ENO2: variants seen among roughly 807,000 people sequenced by gnomAD.
ENO2 encodes the protein gamma-enolase.
In ENO2, 19 loss-of-function variants were observed where a neutral mutation model predicts 48.7. That is an observed-to-expected ratio of 0.39 (90% CI 0.27 to 0.57). The LOEUF is 0.57. Among genes scored for constraint, ENO2 ranks in the 20% least tolerant of loss-of-function variants. The probability of loss-of-function intolerance (pLI) is 0.58; values close to 1 mark genes in which losing one functional copy is unlikely to be tolerated. For synonymous variants in ENO2, 198 were observed against 213.4 expected, an observed-to-expected ratio of 0.93 and a Z score of 0.63; for missense variants, 416 against 555.0, an observed-to-expected ratio of 0.75 and a Z score of 2.52.
rs139100273 is a variant in ENO2, at chr12:6,920,901, C to G, written c.866-680C>G. ...AGATCTCTGCTCACTGCACGATTCT[C>G]TTAGCCTCCCAAGTAGCTGGGATTA... On this transcript the variant is annotated intron_variant, in intron 8 of 11. Coordinates refer to ENST00000229277, the MANE Select transcript of ENO2 (RefSeq NM_001975.3). Among the ~76,000 whole-genome samples the G allele has an allele frequency of 4.0e-4, 60 of 151,464 alleles. 1 individual carries two copies. The East Asian group carries it at 0.011, about 27-fold the overall frequency.
At chr12:6,918,981 CAA>C (rs58247795) in intron 7 of ENO2, among the ~76,000 whole-genome samples, 327 of 75,832 alleles carry the variant, frequency 4.3e-3, no homozygotes, top group African/African-American at 0.012. Context: ...GACTCCGTCT[CAA>C]AAAAAAAAAA....
At chr12:6,918,267 G>A in intron 7 of ENO2, 105 bp downstream of exon 7, 1 of 1,188,640 alleles carries the variant, frequency 8.4e-7, no homozygotes, top group Non-Finnish European at 1.2e-6. Context: ...GAGGGTCCTA[G>A]GACTCTGCAA....
At position 6,923,101 on chromosome 12, in the gene ENO2, G is replaced by A. The variant is rs1945357212; in HGVS notation, c.*301G>A. The A allele has an allele frequency of 2.7e-6, 1 of 363,834 alleles. No individual in the cohort carries two copies. The highest frequency in any genetic ancestry group is 2.6e-5 in the South Asian group (1 of 38,032). 22.5% of individuals were successfully genotyped at this position (363,834 alleles called of 1,614,324 possible). ...TATAAAAGGGGGTCCGTGGAAGAAT[G>A]ATCAGCATCTGTGATGGGAGCGTCA... On this transcript the variant is annotated 3_prime_UTR_variant, in exon 12 of 12. Coordinates refer to ENST00000229277, the MANE Select transcript of ENO2 (RefSeq NM_001975.3).
Position 6,921,694 on chromosome 12 carries a change from C to T in ENO2, c.979C>T (p.Arg327Cys), listed in dbSNP as rs781830483. 12 of 1,614,152 alleles carry T rather than the reference C, an allele frequency of 7.4e-6. No individual in the cohort carries two copies. The highest frequency in any genetic ancestry group is 1.6e-4 in the Middle Eastern group (1 of 6,062). Residue 327 changes from arginine (R) to cysteine (C), a missense_variant, in exon 9 of 12, where the codon CGT becomes TGT. Transcript: ENST00000229277. ...GDDLTVTNPK[R>C]IERAVEEKAC... ...TGACCTGACAGTGACCAACCCAAAA[C>T]GTATTGAGCGGGCAGTGGAAGAAAA...
chr12:6,917,708 T>C lies in ENO2; in HGVS notation c.438T>C (p.Pro146=), dbSNP rs913836191. 25 of 1,421,098 alleles carry C rather than the reference T, an allele frequency of 1.8e-5. No individual in the cohort carries two copies. In the African/African-American group the frequency reaches 2.3e-4, roughly 13 times the overall value. The allele number at this position is 1,421,098 out of a possible 1,614,324, so 88.0% of individuals were successfully genotyped here. ...CCGGGAACTCAGACCTCATCCTGCC[T>C]GTGCCGGTGAGCAATAAGCCAGCCT... is the stretch of plus-strand genomic sequence containing the variant. ...QLAGNSDLIL[P]VPAFNVINGG... Residue 146 remains proline (P), a synonymous_variant, in exon 6 of 12, where the codon CCT becomes CCC. Coordinates refer to ENST00000229277, the MANE Select transcript of ENO2 (RefSeq NM_001975.3).
intron 7 of ENO2, among the ~76,000 whole-genome samples, chr12:6,919,363 A>G (rs1945319791): frequency 6.6e-6 from 1 of 152,202 alleles, no homozygotes; most frequent in Non-Finnish European, 1.5e-5. Flanking sequence ...AAAGTATAGT[A>G]AGTATTATTA....
chr12:6,922,334 A>T lies in ENO2; in HGVS notation c.1177-10A>T. ...AGTCACTGAGCTGCAAATCCTTTGAAATGTTTCAGATCAAGACTGGTGCCC... is the reference window on the plus strand; with the variant it reads ...AGTCACTGAGCTGCAAATCCTTTGATATGTTTCAGATCAAGACTGGTGCCC... On this transcript the variant is annotated splice_polypyrimidine_tract_variant and intron_variant, in intron 10 of 11. Coordinates refer to ENST00000229277, the MANE Select transcript of ENO2 (RefSeq NM_001975.3). The surrounding 1 kb of genome is among the most constrained non-coding windows in gnomAD (Gnocchi z 5.3). 1 of 1,614,130 alleles carries T rather than the reference A, an allele frequency of 6.2e-7. No individual in the cohort carries two copies.
In ENO2 at chr12:6,916,821, T is replaced by A. The variant is rs1486510624; in HGVS notation, c.240+92T>A. ...GAGGAAGGGAAGAAAGAAGGCCCAC[T>A]CTTAGGAATCATGGTTACAAGGGGG... On this transcript the variant is annotated intron_variant, in intron 4 of 11. Transcript: ENST00000229277. The surrounding 1 kb of genome is among the most constrained non-coding windows in gnomAD (Gnocchi z 4.5). 3 of 1,536,084 alleles carry A rather than the reference T, an allele frequency of 2.0e-6. No individual in the cohort carries two copies. Among genetic ancestry groups the A allele is most frequent in the Admixed American group, 1.8e-5 (1 of 56,356 alleles).
intron 1 of ENO2, 100 bp from the exon 2 acceptor site, chr12:6,915,721 T>C: frequency 1.0e-4 from 21 of 208,262 alleles, no homozygotes; most frequent in East Asian, 5.6e-4. Flanking sequence ...TGCAGTAACC[T>C]CTTTCCCATC....
Position 6,922,858 on chromosome 12 carries a change from T to C in ENO2, c.*58T>C. ...GTCTCATCCTCCTGGAACCTTGCTGTCCTGATCTGTGATAGTTCACCCCCT... is the reference window on the plus strand; with the variant it reads ...GTCTCATCCTCCTGGAACCTTGCTGCCCTGATCTGTGATAGTTCACCCCCT... On this transcript the variant is annotated 3_prime_UTR_variant, in exon 12 of 12. Transcript: ENST00000229277. This position sits in a 1 kb window ranked among gnomAD's most constrained non-coding sequence, Gnocchi z 5.3. 1 of 1,594,270 alleles carries C rather than the reference T, an allele frequency of 6.3e-7. No homozygotes were observed. Among genetic ancestry groups the C allele is most frequent in the Non-Finnish European group, 8.6e-7 (1 of 1,163,246 alleles).
At chr12:6,920,396 T>C (rs1453936548) in intron 8 of ENO2, among the ~76,000 whole-genome samples, 1 of 150,854 alleles carries the variant, frequency 6.6e-6, no homozygotes, top group Non-Finnish European at 1.5e-5. Flanking sequence ...GGTTGTTTTT[T>C]TTGTTTTGTT....
chr12:6,918,897 G>A (rs939064075), intron 7 of ENO2, among the ~76,000 whole-genome samples: 6 of 150,390 alleles, frequency 4.0e-5, no homozygotes, highest in African/African-American at 1.5e-4. Flanking sequence ...CAGGAGGATC[G>A]CTTGTACCCG....
chr12:6,915,556 T>G, intron 1 of ENO2: 45 of 413,436 alleles, frequency 1.1e-4, no homozygotes, highest in East Asian at 3.5e-4. Flanking sequence ...CACTGCAGTG[T>G]TCTCCCATCT....
Position 6,919,623 on chromosome 12 carries a change from T to C in ENO2, c.725T>C (p.Ile242Thr). The C allele has an allele frequency of 6.2e-7, 1 of 1,614,162 alleles. No homozygotes were observed. The highest frequency in any genetic ancestry group is 2.2e-5 in the East Asian group (1 of 44,880). ...DKAGYTEKIV[I>T]GMDVAASEFY... ...GCTGGCTACACGGAAAAGATCGTTA[T>C]TGGCATGGATGTTGCTGCCTCAGAG... Residue 242 changes from isoleucine (I) to threonine (T), a missense_variant, in exon 8 of 12, where the codon ATT becomes ACT. Physicochemically the swap from Ile to Thr is moderately conservative, Grantham distance 89. Coordinates refer to ENST00000229277, the MANE Select transcript of ENO2 (RefSeq NM_001975.3).
At chr12:6,921,390 CAAAA>C (rs59941048) in intron 8 of ENO2, 187 bp from the exon 9 acceptor site, 141 of 496,334 alleles carry the variant, frequency 2.8e-4, no homozygotes, top group East Asian at 2.8e-3. Context: ...GAGGCTCTGT[CAAAA>C]AAAAAAAAAA....
Position 6,922,517 on chromosome 12 carries a change from C to T in ENO2, c.1235+115C>T. 1.4e-6 allele frequency: 2 copies of T among 1,416,226 alleles called. No homozygotes were observed. The highest frequency in any genetic ancestry group is 2.3e-4 in the Middle Eastern group (1 of 4,384). 87.7% of individuals were successfully genotyped at this position (1,416,226 alleles called of 1,614,324 possible). ...AACAGTCCATTTCCTGGATAACAGT[C>T]CAACAGATAATATTGGTTTTTGCTT... On this transcript the variant is annotated intron_variant, in intron 11 of 11. Transcript: ENST00000229277. The surrounding 1 kb of genome is among the most constrained non-coding windows in gnomAD (Gnocchi z 5.3).
chr12:6,922,806 C>T lies in ENO2; in HGVS notation c.*6C>T, dbSNP rs781788959. 57 of 1,613,822 alleles carry T rather than the reference C, an allele frequency of 3.5e-5. No homozygotes were observed. Among genetic ancestry groups the T allele is most frequent in the Non-Finnish European group, 4.7e-5 (56 of 1,179,916 alleles). Reference sequence around the variant, plus strand: ...GTAATCCCAGTGTGCTGTGATTCCTCTGCTTGCCTGGAGACGTGGAACCTC... The same window carrying T: ...GTAATCCCAGTGTGCTGTGATTCCTTTGCTTGCCTGGAGACGTGGAACCTC... On this transcript the variant is annotated 3_prime_UTR_variant, in exon 12 of 12. Coordinates refer to ENST00000229277, the MANE Select transcript of ENO2 (RefSeq NM_001975.3). This position sits in a 1 kb window ranked among gnomAD's most constrained non-coding sequence, Gnocchi z 5.3.
Position 6,916,318 on chromosome 12 carries a change from G to A in ENO2, c.86-99G>A. 5 of 1,087,254 alleles carry A rather than the reference G, an allele frequency of 4.6e-6. No homozygotes were observed. The allele number at this position is 1,087,254 out of a possible 1,614,324, so 67.4% of individuals were successfully genotyped here. On this transcript the variant is annotated intron_variant, in intron 2 of 11. Transcript: ENST00000229277. This position sits in a 1 kb window ranked among gnomAD's most constrained non-coding sequence, Gnocchi z 4.5. The stretch of plus-strand genomic sequence containing the variant: ...TGTTAGGGAGCAGTGTGGGGAGAGA[G>A]CTAGATGTGGTAGGCAGGCAGTTTA...
chr12:6,921,499 A>G (rs1591653963), intron 8 of ENO2, 82 bp from the exon 9 acceptor site: 1 of 1,413,662 alleles, frequency 7.1e-7, no homozygotes, highest in African/African-American at 1.4e-5. Flanking sequence ...CATTTCAGGG[A>G]ATAAAGGGGC....
Sources: allele counts gnomAD v4.1 joint callset (sites outside exome capture counted in the v4.1 genomes callset), GRCh38; gene constraint gnomAD v4.1.1; non-coding constraint Gnocchi (gnomAD v3.1); transcripts MANE v1.5; gene names NCBI Gene and HGNC (gene_info 2026-07-23, HGNC 2026-07-21).